PUDP: variants seen among roughly 807,000 people sequenced by gnomAD.
PUDP encodes pseudouridine 5'-phosphatase.
Under a neutral mutation model 9.4 loss-of-function variants are expected in PUDP, and 8 were observed. The observed-to-expected ratio is 0.85, with a 90% CI of 0.50 to 1.53. The LOEUF (loss-of-function observed/expected upper bound fraction) is 1.53, where lower values mean the gene tolerates loss of function less well. Among genes scored for constraint, PUDP ranks in the 40% most tolerant of loss-of-function variants. PUDP has a pLI of 0.00. For synonymous variants in PUDP, 99 were observed against 80.7 expected (o/e 1.23, Z -1.22); for missense variants, 188 against 189.7 (o/e 0.99, Z 0.05).
intron 3 of PUDP, among the ~76,000 whole-genome samples, chrX:6,738,222 C>G (rs1032987119): frequency 8.9e-6 from 1 of 111,773 alleles, no homozygotes; most frequent in East Asian, 2.8e-4. Context: ...CTCAGAAACA[C>G]ACACAGTTTC....
intron 1 of PUDP, among the ~76,000 whole-genome samples, chrX:7,037,198 G>A (rs1602723919): frequency 8.9e-6 from 1 of 111,813 alleles, no homozygotes; most frequent in Admixed American, 9.5e-5. Flanking sequence ...TGTTATCTCT[G>A]GGATTTTTCT....
At chrX:6,726,202 T>A (rs750187879), upstream of PUDP, among the ~76,000 whole-genome samples, 22 of 111,595 alleles carry the variant, frequency 2.0e-4, no homozygotes, top group African/African-American at 7.2e-4. Context: ...GGCATGGCCG[T>A]GTGTCCCAAC....
rs1932916411 is a variant in PUDP, at chrX:7,148,081, G to A, written c.33C>T (p.Leu11=). 1 of 1,137,814 alleles carries A rather than the reference G, an allele frequency of 8.8e-7. No homozygotes were observed. Among genetic ancestry groups the A allele is most frequent in the Non-Finnish European group, 1.2e-6 (1 of 857,494 alleles). The allele number at this position is 1,137,814 out of a possible 1,213,427, so 93.8% of individuals were successfully genotyped here. Residue 11 remains leucine (L), a synonymous_variant, in exon 1 of 4, where the codon CTC becomes CTT. Transcript: ENST00000381077. Reference sequence around the variant, plus strand: ...GAAGAAGTCCGTCCATGTCAAAGATGAGGTGGGTGACGGGCTGCGGGGGCG... The same window carrying A: ...GAAGAAGTCCGTCCATGTCAAAGATAAGGTGGGTGACGGGCTGCGGGGGCG... The part of the protein sequence containing the change: MAAPPQPVTH[L]IFDMDGLLLD...
intron 1 of PUDP, among the ~76,000 whole-genome samples, chrX:7,005,996 C>A (rs1250036434): frequency 8.9e-6 from 1 of 112,021 alleles, no homozygotes; most frequent in African/African-American, 3.3e-5. Context: ...CATATTGTAA[C>A]ATATGTGAAA....
In PUDP at chrX:6,916,243, CACA is replaced by C. The variant is rs1569122796; in HGVS notation, c.*247+60887_*247+60889del. 8.0e-3 allele frequency among the ~76,000 whole-genome samples: 672 copies of C among 83,537 alleles called. 7 individuals carry two copies. Among genetic ancestry groups the C allele is most frequent in the African/African-American group, 0.033 (631 of 18,853 alleles). 72.5% of individuals were successfully genotyped at this position (83,537 alleles called of 115,157 possible). A position where few individuals can be genotyped will look rare whatever the true frequency, so the allele number is the denominator to read the frequency against. On this transcript the variant is annotated intron_variant and NMD_transcript_variant, in intron 3 of 3. Coordinates refer to the PUDP transcript ENST00000655425. ...ACACACACACACACACACACACACA[CACA>C]CACCCTGGGGAACTGGTAAATTTGG...
At chrX:7,137,716 T>C (rs1330976278) in intron 1 of PUDP, among the ~76,000 whole-genome samples, 2 of 112,409 alleles carry the variant, frequency 1.8e-5, no homozygotes, top group Admixed American at 1.9e-4. Flanking sequence ...TGTATCCCAC[T>C]GCATGGAACA....
intron 1 of PUDP, among the ~76,000 whole-genome samples, chrX:7,117,577 G>C (rs1211372800): frequency 8.9e-6 from 1 of 112,767 alleles, no homozygotes; most frequent in Admixed American, 9.4e-5. Context: ...GACAAAGTTG[G>C]AAGTTATATT....
At chrX:6,787,566 C>T (rs1177055089) in intron 3 of PUDP, among the ~76,000 whole-genome samples, 2 of 112,076 alleles carry the variant, frequency 1.8e-5, no homozygotes, top group African/African-American at 3.2e-5. Flanking sequence ...CTGCTGAATC[C>T]AATCCAATTG....
chrX:6,926,480 G>A (rs947486582), intron 3 of PUDP, among the ~76,000 whole-genome samples: 4 of 112,162 alleles, frequency 3.6e-5, no homozygotes, highest in African/African-American at 9.7e-5. Context: ...CTTGGAAGGC[G>A]CTGTTCTCCT....
intron 3 of PUDP, among the ~76,000 whole-genome samples, chrX:6,772,792 A>AAACAAAC (rs1483632497): frequency 1.8e-5 from 2 of 110,046 alleles, no homozygotes; most frequent in Non-Finnish European, 3.8e-5. Context: ...ACAAACAAAC[A>AAACAAAC]AACAACAACA....
intron 1 of PUDP, among the ~76,000 whole-genome samples, chrX:7,028,208 T>C (rs1396784537): frequency 1.8e-5 from 2 of 110,060 alleles, no homozygotes; most frequent in East Asian, 2.8e-4. Context: ...TGTACTACTA[T>C]ATATAGTCTA....
At chrX:6,863,213 C>G (rs1020938363) in intron 3 of PUDP, among the ~76,000 whole-genome samples, 7 of 111,756 alleles carry the variant, frequency 6.3e-5, no homozygotes, top group African/African-American at 2.0e-4. Context: ...CAGTGCCTGG[C>G]TATATGTCTG....
intron 3 of PUDP, among the ~76,000 whole-genome samples, chrX:6,922,526 T>G (rs1275436614): frequency 8.9e-6 from 1 of 112,454 alleles, no homozygotes; most frequent in African/African-American, 3.2e-5. Context: ...CCAAGTAAGT[T>G]TTTAATGCCG....
chrX:6,986,047 G>A (rs980858521), intron 1 of PUDP, among the ~76,000 whole-genome samples: 1 of 111,210 alleles, frequency 9.0e-6, no homozygotes, highest in Admixed American at 9.5e-5. Flanking sequence ...TCCCACCAGC[G>A]CCATGACAGT....
chrX:6,991,536 G>C (rs1929177088), intron 1 of PUDP, among the ~76,000 whole-genome samples: 1 of 109,578 alleles, frequency 9.1e-6, no homozygotes, highest in Non-Finnish European at 1.9e-5. Flanking sequence ...AAATTAGCTG[G>C]GCATGGTGGC....
chrX:6,810,490 A>G (rs1336569603), intron 3 of PUDP, among the ~76,000 whole-genome samples: 1 of 111,652 alleles, frequency 9.0e-6, no homozygotes, highest in Non-Finnish European at 1.9e-5. Context: ...CACTGACACA[A>G]TTTTCCAAAG....
chrX:7,135,679 ACTT>A (rs1473579781), intron 1 of PUDP, among the ~76,000 whole-genome samples: 5 of 112,306 alleles, frequency 4.5e-5, no homozygotes, highest in African/African-American at 1.6e-4. Context: ...ACTGACTACT[ACTT>A]AATACTGCTT....
chrX:6,734,881 C>T (rs1468847776), intron 3 of PUDP, among the ~76,000 whole-genome samples: 1 of 111,939 alleles, frequency 8.9e-6, no homozygotes, highest in Non-Finnish European at 1.9e-5. Context: ...TTACGAGAAT[C>T]AGGTGCACAG....
intron 1 of PUDP, among the ~76,000 whole-genome samples, chrX:7,022,642 G>A (rs766386621): frequency 6.3e-4 from 70 of 111,837 alleles, no homozygotes; most frequent in Admixed American, 2.6e-3. Context: ...GCCAGGAACT[G>A]CTCATGTGAA....
Sources: allele counts gnomAD v4.1 joint callset (sites outside exome capture counted in the v4.1 genomes callset), GRCh38; gene constraint gnomAD v4.1.1; transcripts MANE v1.5; gene names NCBI Gene and HGNC (gene_info 2026-07-23, HGNC 2026-07-21).